Variants in NUDT10 observed in about 807,000 individuals in gnomAD.
NUDT10 encodes the protein nudix hydrolase 10.
NUDT10 carries 2 observed loss-of-function variants against 10.5 expected under a neutral mutation model. That is an observed-to-expected ratio of 0.19 (90% CI 0.08 to 0.60). The LOEUF (loss-of-function observed/expected upper bound fraction) is 0.60. Ranked by LOEUF, NUDT10 falls within the 20% of genes least tolerant of loss-of-function variation. The pLI is 0.89. For synonymous variants in NUDT10, 53 were observed against 71.8 expected, an observed-to-expected ratio of 0.74 and a Z score of 1.32; for missense variants, 75 against 149.5, an observed-to-expected ratio of 0.50 and a Z score of 2.60.
upstream of NUDT10, among the ~76,000 whole-genome samples, chrX:51,332,529 CT>C (rs1340616189): frequency 1.4e-4 from 16 of 113,372 alleles, no homozygotes; most frequent in African/African-American, 4.8e-4. Context: ...ACCCCCGCCC[CT>C]GGCCCCTCGC....
chrX:51,334,977 A>T (rs1431172413), intron 1 of NUDT10, among the ~76,000 whole-genome samples: 1 of 110,225 alleles, frequency 9.1e-6, no homozygotes. Flanking sequence ...TCTGGATTTC[A>T]TCTCCCATGA....
rs782416866 is a variant in NUDT10, at chrX:51,333,042, G to A, written c.77G>A (p.Arg26Gln). 24 of 1,209,170 alleles carry A rather than the reference G, an allele frequency of 2.0e-5. No individual in the cohort carries two copies. The highest frequency in any genetic ancestry group is 2.7e-5 in the Non-Finnish European group (24 of 894,869). The part of the protein sequence containing the change: ...FKKRAACLCF[R>Q]SEREDEVLLV... Reference sequence around the variant, plus strand: ...AAGCGGGCGGCGTGCCTGTGCTTCCGGAGCGAGCGCGAGGACGAGGTCCTG... The same window carrying A: ...AAGCGGGCGGCGTGCCTGTGCTTCCAGAGCGAGCGCGAGGACGAGGTCCTG... Residue 26 changes from arginine (R) to glutamine (Q), a missense_variant, in exon 1 of 2, where the codon CGG becomes CAG. Coordinates refer to ENST00000356450, the MANE Select transcript of NUDT10 (RefSeq NM_001304963.2).
chrX:51,336,323 T>C lies in NUDT10; in HGVS notation c.*84T>C, dbSNP rs1922838660. On this transcript the variant is annotated 3_prime_UTR_variant, in exon 2 of 2. Transcript: ENST00000356450. ...GATGAATGGAATTGTGAAGCACAGA[T>C]GAGCTCTTTCACACTCCAAGGACAC... 5.6e-6 allele frequency: 3 copies of C among 532,242 alleles called. No individual in the cohort carries two copies. In the African/African-American group the frequency reaches 6.8e-5, roughly 12 times the overall value. The allele number at this position is 532,242 out of a possible 1,213,427, so 43.9% of individuals were successfully genotyped here. A position where few individuals can be genotyped will look rare whatever the true frequency, so the allele number is the denominator to read the frequency against.
At chrX:51,333,544 T>C (rs1212788685) in intron 1 of NUDT10, 85 bp downstream of exon 1, 1 of 1,119,850 alleles carries the variant, frequency 8.9e-7, no homozygotes, top group African/African-American at 1.8e-5. Flanking sequence ...TCGTACCATG[T>C]GCGGTCTCAT....
rs1425556560 is a variant in NUDT10 at position 51,332,865 on chromosome X, G to A, written c.-101G>A. ...CCTCTCTCTCCCCGCCCCTCTCCTC[G>A]GCCCTTTCTCTTCCCAGCACCTCGG... is the stretch of plus-strand genomic sequence containing the variant. On this transcript the variant is annotated 5_prime_UTR_variant, in exon 1 of 2. Coordinates refer to ENST00000356450, the MANE Select transcript of NUDT10 (RefSeq NM_001304963.2). The A allele has an allele frequency of 7.3e-6, 8 of 1,092,988 alleles. No homozygotes were observed. Among genetic ancestry groups the A allele is most frequent in the Admixed American group, 3.4e-5 (1 of 29,469 alleles). The allele number at this position is 1,092,988 out of a possible 1,213,427, so 90.1% of individuals were successfully genotyped here. A position where few individuals can be genotyped will look rare whatever the true frequency, so the allele number is the denominator to read the frequency against.
intron 1 of NUDT10, among the ~76,000 whole-genome samples, chrX:51,333,916 G>T (rs1166813673): frequency 9.0e-6 from 1 of 110,801 alleles, no homozygotes; most frequent in Admixed American, 9.6e-5. Context: ...TTTAAAGTCT[G>T]ACCAGCTTGG....
At chrX:51,333,519 C>A in intron 1 of NUDT10, 60 bp downstream of exon 1, 6 of 1,176,441 alleles carry the variant, frequency 5.1e-6, no homozygotes, top group Non-Finnish European at 6.9e-6. Flanking sequence ...AAATGCATCC[C>A]GCCTGGAGCA....
chrX:51,332,744 G>A, upstream of NUDT10: 3 of 483,153 alleles, frequency 6.2e-6, no homozygotes, highest in South Asian at 4.3e-5. Flanking sequence ...CTGGCTGACT[G>A]ACACGCCTCG....
At chrX:51,335,317 A>G (rs1249071414) in intron 1 of NUDT10, among the ~76,000 whole-genome samples, 1 of 109,210 alleles carries the variant, frequency 9.2e-6, no homozygotes, top group Non-Finnish European at 1.9e-5. Flanking sequence ...AAAAAAAAAA[A>G]AAAAAAAAAA....
chrX:51,333,925 G>T, intron 1 of NUDT10, among the ~76,000 whole-genome samples: 2 of 110,875 alleles, frequency 1.8e-5, no homozygotes, highest in Admixed American at 1.9e-4. Context: ...TGACCAGCTT[G>T]GTTGTGTGGC....
rs1466113070 is a variant in NUDT10, at chrX:51,334,490, T to G, written c.494+1031T>G. Among the ~76,000 whole-genome samples, 5 of 112,555 alleles carry G rather than the reference T, an allele frequency of 4.4e-5. No homozygotes were observed. In the East Asian group the frequency reaches 1.1e-3, roughly 25 times the overall value. The stretch of plus-strand genomic sequence containing the variant: ...CCCAGTAACCACAGGAATGGAATCT[T>G]TTGTGGTGATTACATCCCAACAGAG... On this transcript the variant is annotated intron_variant, in intron 1 of 1. Coordinates refer to ENST00000356450, the MANE Select transcript of NUDT10 (RefSeq NM_001304963.2).
At position 51,336,265 on chromosome X, in the gene NUDT10, T is replaced by A; in HGVS notation, c.*26T>A. The A allele has an allele frequency of 1.8e-6, 1 of 562,249 alleles. No homozygotes were observed. The allele number at this position is 562,249 out of a possible 1,213,427, so 46.3% of individuals were successfully genotyped here. Reference sequence around the variant, plus strand: ...TGAATGGCATAGATGTTGTTCAGATTTACTTTGAAAGAATCAAGTATGTGA... The same window carrying A: ...TGAATGGCATAGATGTTGTTCAGATATACTTTGAAAGAATCAAGTATGTGA... On this transcript the variant is annotated 3_prime_UTR_variant, in exon 2 of 2. Transcript: ENST00000356450.
chrX:51,332,520 CCCCCGCCCCTGGCCCCTCGCCCCGGTT>C (rs782072203), upstream of NUDT10, among the ~76,000 whole-genome samples: 103 of 113,400 alleles, frequency 9.1e-4, no homozygotes, highest in African/African-American at 3.1e-3. Flanking sequence ...AGCCAGGAGA[CCCCCGCCCCTGGCCCCTCGCCCCGGTT>C]CCTCGCCCCT....
chrX:51,333,324 T>A lies in NUDT10; in HGVS notation c.359T>A (p.Phe120Tyr). ...SVSIGRKREWFKVEDAIKVLQ... is the reference protein window; with the variant it reads ...SVSIGRKREWYKVEDAIKVLQ... ...AGCATTGGGAGGAAGCGAGAGTGGT[T>A]CAAAGTCGAAGATGCCATCAAGGTT... Residue 120 changes from phenylalanine (F) to tyrosine (Y), a missense_variant, in exon 1 of 2, where the codon TTC becomes TAC. Coordinates refer to ENST00000356450, the MANE Select transcript of NUDT10 (RefSeq NM_001304963.2). 3 of 1,210,502 alleles carry A rather than the reference T, an allele frequency of 2.5e-6. No homozygotes were observed. Among genetic ancestry groups the A allele is most frequent in the Non-Finnish European group, 2.2e-6 (2 of 894,886 alleles).
Position 51,336,807 on chromosome X carries a change from T to C in NUDT10, c.*568T>C, listed in dbSNP as rs1222747123. 2 of 111,733 alleles carry C rather than the reference T, an allele frequency of 1.8e-5. No individual in the cohort carries two copies. Among genetic ancestry groups the C allele is most frequent in the African/African-American group, 6.5e-5 (2 of 30,747 alleles). The allele number at this position is 111,733 out of a possible 1,213,427, so 9.2% of individuals were successfully genotyped here. A position where few individuals can be genotyped will look rare whatever the true frequency, so the allele number is the denominator to read the frequency against. On this transcript the variant is annotated 3_prime_UTR_variant, in exon 2 of 2. Coordinates refer to ENST00000356450, the MANE Select transcript of NUDT10 (RefSeq NM_001304963.2). ...GCAGTATACTACACTATCTGTAAAA[T>C]ATATTTGCAAAGCCAGGCACAGTGT... is the stretch of plus-strand genomic sequence containing the variant.
upstream of NUDT10, chrX:51,332,781 G>C (rs1175157397): frequency 5.6e-5 from 39 of 691,222 alleles, no homozygotes; most frequent in Non-Finnish European, 7.4e-5. Flanking sequence ...CCCGTGCCCC[G>C]CCCAGCTTCA....
chrX:51,332,669 G>C (rs1461219287), upstream of NUDT10, among the ~76,000 whole-genome samples: 4 of 112,742 alleles, frequency 3.5e-5, no homozygotes, highest in Admixed American at 9.2e-5. Context: ...GCGGGCTCGC[G>C]GGCAGCAGCG....
At position 51,333,257 on chromosome X, in the gene NUDT10, C is replaced by T. The variant is rs1414153415; in HGVS notation, c.292C>T (p.Leu98=). The T allele has an allele frequency of 8.3e-7, 1 of 1,209,301 alleles. No homozygotes were observed. The highest frequency in any genetic ancestry group is 1.1e-6 in the Non-Finnish European group (1 of 894,992). The part of the protein sequence containing the change: ...DPKHRTYVYV[L]TVTELLEDWE... ...CAAGCACAGAACGTACGTGTATGTA[C>T]TGACTGTCACGGAGCTGCTGGAGGA... Residue 98 remains leucine (L), a synonymous_variant, in exon 1 of 2, where the codon CTG becomes TTG. Coordinates refer to ENST00000356450, the MANE Select transcript of NUDT10 (RefSeq NM_001304963.2).
Position 51,333,194 on chromosome X carries a change from G to C in NUDT10, c.229G>C (p.Gly77Arg). 1.7e-6 allele frequency: 2 copies of C among 1,211,342 alleles called. No homozygotes were observed. Among genetic ancestry groups the C allele is most frequent in the Non-Finnish European group, 2.2e-6 (2 of 895,312 alleles). Residue 77 changes from glycine to arginine, a missense_variant, in exon 1 of 2, where the codon GGC becomes CGC. Transcript: ENST00000356450. The stretch of plus-strand genomic sequence containing the variant: ...AGAGGCGGGAGTCAAGGGGAAGTTA[G>C]GCCGGCTCCTGGGCGTCTTCGAACA... The part of the protein sequence containing the change: ...YEEAGVKGKL[G>R]RLLGVFEQNQ...
Sources: gnomAD v4.1 joint callset for allele counts (sites outside exome capture counted in the v4.1 genomes callset) on GRCh38, gnomAD v4.1.1 for gene constraint, MANE v1.5 for transcripts, NCBI Gene and HGNC (gene_info 2026-07-23, HGNC 2026-07-21) for gene names.